Variants in SEZ6L observed in about 807,000 individuals in gnomAD.
The protein encoded by SEZ6L is seizure related 6 homolog like, also known as seizure 6-like protein.
SEZ6L carries 37 observed loss-of-function variants against 106.2 expected under a neutral mutation model. The ratio of observed to expected loss-of-function variants is 0.35; its 90% CI spans 0.27 to 0.46. The LOEUF is 0.46. Among genes scored for constraint, SEZ6L ranks in the 20% least tolerant of loss-of-function variants. SEZ6L has a pLI of 1.00. For synonymous variants in SEZ6L, 541 were observed against 570.4 expected, an observed-to-expected ratio of 0.95 and a Z score of 0.73; for missense variants, 1,172 against 1,332.8, an observed-to-expected ratio of 0.88 and a Z score of 1.88.
chr22:26,350,767 C>T (rs2083249510), intron 11 of SEZ6L, among the ~76,000 whole-genome samples: 1 of 151,702 alleles, frequency 6.6e-6, no homozygotes, highest in Non-Finnish European at 1.5e-5. Context: ...CGCCATTCTC[C>T]TGCTTCAGCC....
At chr22:26,285,635 A>G (rs2080911938) in intron 1 of SEZ6L, among the ~76,000 whole-genome samples, 1 of 152,092 alleles carries the variant, frequency 6.6e-6, no homozygotes, top group African/African-American at 2.4e-5. Context: ...GCTGGCATCT[A>G]GTGGGTAGAA....
chr22:26,264,987 G>A (rs561488786), intron 1 of SEZ6L, among the ~76,000 whole-genome samples: 205 of 152,284 alleles, frequency 1.3e-3, no homozygotes, highest in African/African-American at 4.6e-3. Context: ...GCAGGCTACG[G>A]TGCATTCATA....
At chr22:26,288,361 A>T (rs1369258802) in intron 1 of SEZ6L, among the ~76,000 whole-genome samples, 1 of 152,116 alleles carries the variant, frequency 6.6e-6, no homozygotes, top group Non-Finnish European at 1.5e-5. Flanking sequence ...ACCCCTGGAG[A>T]TTCAGATGTG....
intron 11 of SEZ6L, among the ~76,000 whole-genome samples, chr22:26,348,642 A>AAGAG (rs1462337764): frequency 3.2e-5 from 1 of 31,220 alleles, no homozygotes; most frequent in African/African-American, 2.0e-4. Flanking sequence ...GAAAGAAAGA[A>AAGAG]AGAAAAAGAA....
intron 1 of SEZ6L, among the ~76,000 whole-genome samples, chr22:26,200,065 ATGG>A (rs1487489634): frequency 6.6e-6 from 1 of 152,184 alleles, no homozygotes; most frequent in Non-Finnish European, 1.5e-5. Context: ...CCAATAGGAA[ATGG>A]TGGGGATGGG....
chr22:26,369,357 T>TTTTTTTTTTTTTTTTTTTTTTTG (rs2083934578), intron 13 of SEZ6L, among the ~76,000 whole-genome samples: 1 of 130,462 alleles, frequency 7.7e-6, no homozygotes, highest in African/African-American at 2.9e-5. Flanking sequence ...TTTTTTTTTT[T>TTTTTTTTTTTTTTTTTTTTTTTG]GAGACAGATT....
intron 1 of SEZ6L, among the ~76,000 whole-genome samples, chr22:26,291,169 T>C (rs2081094606): frequency 6.6e-6 from 1 of 152,158 alleles, no homozygotes; most frequent in South Asian, 2.1e-4. Context: ...CTATTCACAA[T>C]AGCAAAGACG....
At chr22:26,304,018 C>T (rs1438970305) in intron 5 of SEZ6L, among the ~76,000 whole-genome samples, 3 of 152,146 alleles carry the variant, frequency 2.0e-5, no homozygotes, top group African/African-American at 4.8e-5. Context: ...CTGACTGCCA[C>T]GCTCTGTGAG....
At chr22:26,239,178 C>T (rs948927554) in intron 1 of SEZ6L, among the ~76,000 whole-genome samples, 16 of 152,150 alleles carry the variant, frequency 1.1e-4, no homozygotes, top group East Asian at 1.9e-4. Flanking sequence ...GAGCCATGAT[C>T]GGGCCACTGC....
At chr22:26,251,264 T>C (rs2079569089) in intron 1 of SEZ6L, among the ~76,000 whole-genome samples, 1 of 152,204 alleles carries the variant, frequency 6.6e-6, no homozygotes, top group South Asian at 2.1e-4. Context: ...TTCATTATGA[T>C]GTAAGCTGTG....
chr22:26,208,185 G>A (rs757409451), intron 1 of SEZ6L, among the ~76,000 whole-genome samples: 1 of 152,124 alleles, frequency 6.6e-6, no homozygotes, highest in Non-Finnish European at 1.5e-5. Flanking sequence ...AAAGTGCTGG[G>A]ATTACAGGCG....
intron 6 of SEZ6L, among the ~76,000 whole-genome samples, chr22:26,308,892 G>A (rs1288689877): frequency 1.3e-5 from 2 of 152,148 alleles, no homozygotes; most frequent in Non-Finnish European, 2.9e-5. Flanking sequence ...TGAAAGAGGT[G>A]TCCCAACACA....
chr22:26,198,587 G>A (rs1362423029), intron 1 of SEZ6L, among the ~76,000 whole-genome samples: 2 of 152,210 alleles, frequency 1.3e-5, no homozygotes, highest in Non-Finnish European at 2.9e-5. Context: ...TCTAGATGCT[G>A]GCATTGGCAG....
At chr22:26,316,414 A>T (rs977161881) in intron 9 of SEZ6L, among the ~76,000 whole-genome samples, 1 of 152,210 alleles carries the variant, frequency 6.6e-6, no homozygotes, top group Non-Finnish European at 1.5e-5. Context: ...AAGAAAGTAA[A>T]TGCAGTGTGA....
chr22:26,191,764 G>T (rs1450785491), intron 1 of SEZ6L, among the ~76,000 whole-genome samples: 1 of 152,164 alleles, frequency 6.6e-6, no homozygotes, highest in Non-Finnish European at 1.5e-5. Flanking sequence ...TTGGAAATAA[G>T]AAATAATTTG....
At chr22:26,214,438 T>C (rs921136314) in intron 1 of SEZ6L, among the ~76,000 whole-genome samples, 2 of 152,146 alleles carry the variant, frequency 1.3e-5, no homozygotes, top group African/African-American at 4.8e-5. Flanking sequence ...TTTTCTCAGA[T>C]AGAACATTTG....
intron 13 of SEZ6L, among the ~76,000 whole-genome samples, chr22:26,367,468 C>T (rs755663606): frequency 1.3e-5 from 2 of 152,030 alleles, no homozygotes; most frequent in Non-Finnish European, 2.9e-5. Flanking sequence ...CTCAGCCTCG[C>T]GAGTGGCTGG....
intron 1 of SEZ6L, among the ~76,000 whole-genome samples, chr22:26,170,227 C>G (rs1456990148): frequency 6.6e-6 from 1 of 151,864 alleles, no homozygotes; most frequent in Admixed American, 6.6e-5. Context: ...TGCCGCTCCC[C>G]CCGACACCAC....
rs1163173395 is a variant in SEZ6L, at chr22:26,365,258, A to T, written c.2600-114A>T. The T allele has an allele frequency of 1.0e-5, 8 of 789,168 alleles. No individual in the cohort carries two copies. In the Admixed American group the frequency reaches 1.6e-4, roughly 16 times the overall value. 48.9% of individuals were successfully genotyped at this position (789,168 alleles called of 1,614,324 possible). On this transcript the variant is annotated intron_variant, in intron 12 of 16. Coordinates refer to ENST00000248933, the MANE Select transcript of SEZ6L (RefSeq NM_021115.5). ...GAAAACAGTCTGATGCAAGGTGGGG[A>T]TGCAGAGAGAGGATGCTGGAGAGGC...
Sources: allele counts gnomAD v4.1 joint callset (sites outside exome capture counted in the v4.1 genomes callset), GRCh38; gene constraint gnomAD v4.1.1; transcripts MANE v1.5; gene names NCBI Gene and HGNC (gene_info 2026-07-23, HGNC 2026-07-21).